ZBTB2: variants seen among roughly 807,000 people sequenced by gnomAD.
ZBTB2 encodes the protein zinc finger and BTB domain-containing protein 2.
ZBTB2 carries 2 observed loss-of-function variants against 39.5 expected under a neutral mutation model. The ratio of observed to expected loss-of-function variants is 0.05; its 90% CI spans 0.02 to 0.16. The LOEUF is 0.16. Among genes scored for constraint, ZBTB2 ranks in the 10% least tolerant of loss-of-function variants. The probability of loss-of-function intolerance (pLI) is 1.00; values close to 1 mark genes in which losing one functional copy is unlikely to be tolerated. For missense variants in ZBTB2, 391 were observed against 653.0 expected (o/e 0.60, Z 4.37); for synonymous variants, 251 against 256.6 (o/e 0.98, Z 0.21).
intron 2 of ZBTB2, 32 bp downstream of exon 2, chr6:151,373,433 G>A: frequency 1.2e-6 from 2 of 1,612,776 alleles, no homozygotes; most frequent in South Asian, 2.2e-5. Context: ...GAAGTCTACA[G>A]TCATTAGGTT....
At chr6:151,391,188 A>G (rs1779298755) in intron 1 of ZBTB2, among the ~76,000 whole-genome samples, 1 of 149,334 alleles carries the variant, frequency 6.7e-6, no homozygotes, top group African/African-American at 2.5e-5. Context: ...CGCCCCCGCG[A>G]GGCGCCCCTG....
intron 1 of ZBTB2, among the ~76,000 whole-genome samples, chr6:151,375,014 G>C (rs1018114871): frequency 1.3e-5 from 2 of 151,228 alleles, no homozygotes; most frequent in South Asian, 4.2e-4. Flanking sequence ...CAGCTACTCC[G>C]GAGGCTGAGG....
At chr6:151,388,674 C>G (rs776124718) in intron 1 of ZBTB2, among the ~76,000 whole-genome samples, 3 of 152,148 alleles carry the variant, frequency 2.0e-5, no homozygotes, top group Non-Finnish European at 2.9e-5. Flanking sequence ...GCCATGAACA[C>G]ATTTTTCTAT....
intron 1 of ZBTB2, among the ~76,000 whole-genome samples, chr6:151,382,634 C>A (rs1779061326): frequency 6.6e-6 from 1 of 151,616 alleles, no homozygotes; most frequent in Non-Finnish European, 1.5e-5. Flanking sequence ...CTCACTGCAT[C>A]CTCCACCTAC....
In ZBTB2 at chr6:151,390,763, C is replaced by T. The variant is rs1046370905; in HGVS notation, c.-13+657G>A. Among the ~76,000 whole-genome samples, 9 of 151,284 alleles carry T rather than the reference C, an allele frequency of 5.9e-5. 1 individual carries two copies. Among genetic ancestry groups the T allele is most frequent in the East Asian group, 4.0e-4 (2 of 4,982 alleles). ...CGGTCGGACCGGATCCCTCCCCTCCCCCTCCCTCCTCCCTCCCCTCCCCCA... is the reference window on the plus strand; with the variant it reads ...CGGTCGGACCGGATCCCTCCCCTCCTCCTCCCTCCTCCCTCCCCTCCCCCA... On this transcript the variant is annotated intron_variant, in intron 1 of 2. Transcript: ENST00000325144.
At position 151,365,917 on chromosome 6, in the gene ZBTB2, G is replaced by A; in HGVS notation, c.1149C>T (p.Tyr383=). 2.5e-6 allele frequency: 4 copies of A among 1,614,192 alleles called. No homozygotes were observed. Among genetic ancestry groups the A allele is most frequent in the Non-Finnish European group, 2.5e-6 (3 of 1,180,050 alleles). ...ACTTGAAAGGCTTCCCGGTGTGTATGTACATGTGTTCCCTCCAGTGGCTTT... is the reference window on the plus strand; with the variant it reads ...ACTTGAAAGGCTTCCCGGTGTGTATATACATGTGTTCCCTCCAGTGGCTTT... The part of the protein sequence containing the change: ...IQKSHWREHM[Y]IHTGKPFKCS... Residue 383 remains tyrosine, a synonymous_variant, in exon 3 of 3, where the codon TAC becomes TAT. Coordinates refer to ENST00000325144, the MANE Select transcript of ZBTB2 (RefSeq NM_020861.3). This position sits in a 1 kb window ranked among gnomAD's most constrained non-coding sequence, Gnocchi z 5.6.
chr6:151,368,519 A>G (rs538747548), intron 2 of ZBTB2, among the ~76,000 whole-genome samples: 189 of 151,380 alleles, frequency 1.2e-3, no homozygotes, highest in African/African-American at 4.4e-3. Flanking sequence ...CAGTGGCACA[A>G]TCTCAGCTCA....
intron 1 of ZBTB2, among the ~76,000 whole-genome samples, chr6:151,376,715 A>T (rs906882318): frequency 1.3e-5 from 2 of 152,218 alleles, no homozygotes; most frequent in African/African-American, 4.8e-5. Context: ...AAGAGTGTGG[A>T]GAAGCTGGAT....
At chr6:151,377,367 C>T (rs1730869978) in intron 1 of ZBTB2, among the ~76,000 whole-genome samples, 1 of 148,414 alleles carries the variant, frequency 6.7e-6, no homozygotes, top group South Asian at 2.1e-4. Context: ...AAATAAAGTT[C>T]AATTTTTTTT....
intron 1 of ZBTB2, among the ~76,000 whole-genome samples, chr6:151,389,775 T>C (rs770040281): frequency 5.0e-4 from 76 of 151,798 alleles, no homozygotes; most frequent in Non-Finnish European, 9.1e-4. Flanking sequence ...CGGGTGGAAG[T>C]TCCTGCAGTA....
In ZBTB2 at chr6:151,373,624, T is replaced by C. The variant is rs1778833340; in HGVS notation, c.14A>G (p.Asn5Ser). Residue 5 changes from asparagine to serine, a missense_variant, in exon 2 of 3, where the codon AAC becomes AGC. Asn to Ser is a conservative substitution (Grantham distance 46). Coordinates refer to ENST00000325144, the MANE Select transcript of ZBTB2 (RefSeq NM_020861.3). ...CTGTTGCAGTAGAATAAGTCCATGGTTGGCCAAATCCATTTTTTAAAAAAT... is the reference window on the plus strand; with the variant it reads ...CTGTTGCAGTAGAATAAGTCCATGGCTGGCCAAATCCATTTTTTAAAAAAT... Reference protein sequence around the residue: MDLANHGLILLQQLN... With the variant: MDLASHGLILLQQLN... 3.1e-6 allele frequency: 5 copies of C among 1,607,486 alleles called. No individual in the cohort carries two copies. The highest frequency in any genetic ancestry group is 1.7e-6 in the Non-Finnish European group (2 of 1,178,162).
At chr6:151,379,684 CTT>C (rs1237690196) in intron 1 of ZBTB2, among the ~76,000 whole-genome samples, 8 of 145,636 alleles carry the variant, frequency 5.5e-5, no homozygotes, top group African/African-American at 2.0e-4. Context: ...CTATAAAACT[CTT>C]TGTATATAAG....
At chr6:151,380,608 C>T (rs1175434903) in intron 1 of ZBTB2, among the ~76,000 whole-genome samples, 1 of 152,202 alleles carries the variant, frequency 6.6e-6, no homozygotes, top group Admixed American at 6.5e-5. Context: ...GACCTTGTTC[C>T]CCAGCCTCAG....
intron 1 of ZBTB2, among the ~76,000 whole-genome samples, chr6:151,386,294 C>CA (rs1231936897): frequency 6.6e-6 from 1 of 152,196 alleles, no homozygotes; most frequent in Non-Finnish European, 1.5e-5. Context: ...CCTGTAATCT[C>CA]AGCACTTTGG....
At chr6:151,373,759 G>T in intron 1 of ZBTB2, 110 bp from the exon 2 acceptor site, 1 of 855,144 alleles carries the variant, frequency 1.2e-6, no homozygotes, top group Non-Finnish European at 1.7e-6. Context: ...TAGCTAACGT[G>T]TCAGGCACTG....
At chr6:151,374,010 A>T (rs1415992346) in intron 1 of ZBTB2, among the ~76,000 whole-genome samples, 1 of 152,240 alleles carries the variant, frequency 6.6e-6, no homozygotes, top group Admixed American at 6.5e-5. Flanking sequence ...ACAGACAGCA[A>T]ATATCTTGGA....
intron 1 of ZBTB2, among the ~76,000 whole-genome samples, chr6:151,377,262 A>G (rs117110044): frequency 1.5e-3 from 228 of 152,148 alleles, no homozygotes; most frequent in Middle Eastern, 6.8e-3. Context: ...GTGATACTGT[A>G]CTATAGTTTG....
intron 2 of ZBTB2, among the ~76,000 whole-genome samples, chr6:151,371,637 T>C (rs1200354947): frequency 6.6e-6 from 1 of 152,154 alleles, no homozygotes; most frequent in Non-Finnish European, 1.5e-5. Context: ...TCCAAGCCTG[T>C]GGGGCCTTGG....
chr6:151,377,402 CTT>C (rs1222504210), intron 1 of ZBTB2, among the ~76,000 whole-genome samples: 1 of 147,664 alleles, frequency 6.8e-6, no homozygotes, highest in African/African-American at 2.6e-5. Context: ...GAGTTTCGCT[CTT>C]GTTGCCCAGG....
Sources: allele counts gnomAD v4.1 joint callset (sites outside exome capture counted in the v4.1 genomes callset), GRCh38; gene constraint gnomAD v4.1.1; non-coding constraint Gnocchi (gnomAD v3.1); transcripts MANE v1.5; gene names NCBI Gene and HGNC (gene_info 2026-07-23, HGNC 2026-07-21).